The following DISC1 variants were observed in gnomAD, a reference collection of about 807,000 sequenced individuals.
The protein encoded by DISC1 is disrupted in schizophrenia 1 protein.
Under a neutral mutation model 84.5 loss-of-function variants are expected in DISC1, and 57 were observed. That is an observed-to-expected ratio of 0.67 (90% confidence interval 0.55 to 0.84). DISC1 has a LOEUF of 0.84. Among genes scored for constraint, DISC1 ranks in the 40% least tolerant of loss-of-function variants. The pLI, the probability that DISC1 is intolerant of heterozygous loss-of-function variation, is 0.00. For missense variants in DISC1, 1,000 were observed against 1,057.8 expected, an observed-to-expected ratio of 0.95 and a Z score of 0.76; for synonymous variants, 411 against 415.2, an observed-to-expected ratio of 0.99 and a Z score of 0.12.
At chr1:232,016,033 C>T (rs1668464879) in intron 11 of DISC1, among the ~76,000 whole-genome samples, 1 of 152,080 alleles carries the variant, frequency 6.6e-6, no homozygotes, top group Non-Finnish European at 1.5e-5. Flanking sequence ...TACCACCAAC[C>T]ATAGCATCTC....
At chr1:231,905,819 T>A (rs1403477738) in intron 9 of DISC1, among the ~76,000 whole-genome samples, 3 of 152,044 alleles carry the variant, frequency 2.0e-5, no homozygotes, top group Admixed American at 2.0e-4. Context: ...CATTATTGAT[T>A]TCCTGATTTT....
intron 1 of DISC1, among the ~76,000 whole-genome samples, chr1:231,681,303 A>C (rs1179591148): frequency 1.3e-5 from 2 of 152,174 alleles, no homozygotes; most frequent in Non-Finnish European, 2.9e-5. Flanking sequence ...CAGGCATAAC[A>C]AGGAGAGAAA....
At chr1:231,891,637 G>A (rs577737895) in intron 9 of DISC1, among the ~76,000 whole-genome samples, 158 of 152,206 alleles carry the variant, frequency 1.0e-3, no homozygotes, top group Non-Finnish European at 1.9e-3. Flanking sequence ...GGGGTGATTA[G>A]GGCAGGGGAT....
intron 9 of DISC1, among the ~76,000 whole-genome samples, chr1:231,872,444 C>G (rs1396576541): frequency 5.9e-5 from 9 of 152,102 alleles, no homozygotes; most frequent in African/African-American, 2.2e-4. Context: ...CTCTCTAGGT[C>G]CCTAAAAGAC....
chr1:231,781,887 C>T (rs2077456302), intron 6 of DISC1, among the ~76,000 whole-genome samples: 2 of 152,216 alleles, frequency 1.3e-5, no homozygotes. Flanking sequence ...GACCCTTCTC[C>T]AGTGACTGCT....
intron 1 of DISC1, among the ~76,000 whole-genome samples, chr1:231,634,328 T>C (rs955822298): frequency 6.6e-6 from 1 of 152,064 alleles, no homozygotes; most frequent in African/African-American, 2.4e-5. Flanking sequence ...TATTTTACAA[T>C]GGTCAAGTGA....
chr1:231,846,884 G>A (rs892078471), intron 9 of DISC1, among the ~76,000 whole-genome samples: 1 of 152,208 alleles, frequency 6.6e-6, no homozygotes, highest in African/African-American at 2.4e-5. Flanking sequence ...TAGATCACTA[G>A]CTTGAAGGAC....
chr1:231,675,531 T>C lies in DISC1; in HGVS notation c.68-18295T>C, dbSNP rs2063056944. 6.6e-6 allele frequency among the ~76,000 whole-genome samples: 1 copy of C among 152,168 alleles called. No individual in the cohort carries two copies. The highest frequency in any genetic ancestry group is 2.1e-4 in the South Asian group (1 of 4,830). On this transcript the variant is annotated intron_variant, in intron 1 of 12. Transcript: ENST00000439617. This position sits in a 1 kb window ranked among gnomAD's most constrained non-coding sequence, Gnocchi z 4.1. The stretch of plus-strand genomic sequence containing the variant: ...TTTGTACATTTCTCCCTCATACATG[T>C]ACATTTACTCTCAAAATTTCCTGGG...
intron 10 of DISC1, among the ~76,000 whole-genome samples, chr1:231,966,014 C>T (rs375685981): frequency 6.6e-6 from 1 of 152,122 alleles, no homozygotes; most frequent in Non-Finnish European, 1.5e-5. Context: ...CCTTACTTTC[C>T]TTGTATTCTA....
intron 3 of DISC1, among the ~76,000 whole-genome samples, chr1:231,733,800 G>A (rs139972794): frequency 0.018 from 2,674 of 149,330 alleles, 58 homozygotes; most frequent in East Asian, 0.11. Flanking sequence ...GAGTGGTGGT[G>A]GTGCCATGAG....
At chr1:231,691,837 G>A (rs531962005) in intron 1 of DISC1, among the ~76,000 whole-genome samples, 1 of 152,170 alleles carries the variant, frequency 6.6e-6, no homozygotes, top group Non-Finnish European at 1.5e-5. Context: ...ACCCTGTTCC[G>A]ACTGCTGCCC....
intron 6 of DISC1, among the ~76,000 whole-genome samples, chr1:231,785,892 C>T (rs561742235): frequency 3.3e-5 from 5 of 152,250 alleles, no homozygotes; most frequent in Middle Eastern, 3.4e-3. Context: ...GGGAGCAGGC[C>T]GTTTGCACAG....
chr1:231,854,965 C>A, intron 9 of DISC1: 1 of 1,021,938 alleles, frequency 9.8e-7, no homozygotes, highest in South Asian at 1.8e-5. Context: ...ATCCACCTTC[C>A]TCAGCCTCCC....
rs2063043251 is a variant in DISC1 at position 231,675,411 on chromosome 1, G to A, written c.68-18415G>A. On this transcript the variant is annotated intron_variant, in intron 1 of 12. Coordinates refer to ENST00000439617, the MANE Select transcript of DISC1 (RefSeq NM_018662.3). The surrounding 1 kb of genome is among the most constrained non-coding windows in gnomAD (Gnocchi z 4.1). The stretch of plus-strand genomic sequence containing the variant: ...GTTAACACTCAACCTCAGAGACAAA[G>A]ATCTAAGCAGGAAGGAGGATCTATT... 6.6e-6 allele frequency among the ~76,000 whole-genome samples: 1 copy of A among 152,158 alleles called. No individual in the cohort carries two copies. Among genetic ancestry groups the A allele is most frequent in the Admixed American group, 6.5e-5 (1 of 15,278 alleles).
intron 3 of DISC1, among the ~76,000 whole-genome samples, chr1:231,727,670 A>G (rs1163487784): frequency 2.0e-5 from 3 of 152,128 alleles, no homozygotes; most frequent in Non-Finnish European, 2.9e-5. Flanking sequence ...CAACTCTTCT[A>G]CTTGTGTTTT....
At chr1:231,887,888 A>G (rs754927872) in intron 9 of DISC1, among the ~76,000 whole-genome samples, 1 of 152,228 alleles carries the variant, frequency 6.6e-6, no homozygotes, top group Non-Finnish European at 1.5e-5. Flanking sequence ...TATTTTATGA[A>G]TACGTGAATT....
chr1:231,691,307 C>T (rs1179699936), intron 1 of DISC1, among the ~76,000 whole-genome samples: 2 of 151,782 alleles, frequency 1.3e-5, no homozygotes, highest in Non-Finnish European at 2.9e-5. Flanking sequence ...GGCAGGCACC[C>T]GCAATCCCAG....
chr1:232,040,037 G>A lies in DISC1; in HGVS notation c.*3206G>A, dbSNP rs1180742165. 6.6e-6 allele frequency: 1 copy of A among 151,436 alleles called. No individual in the cohort carries two copies. Among genetic ancestry groups the A allele is most frequent in the African/African-American group, 2.4e-5 (1 of 41,158 alleles). 9.4% of individuals were successfully genotyped at this position (151,436 alleles called of 1,614,324 possible). A position where few individuals can be genotyped will look rare whatever the true frequency, so the allele number is the denominator to read the frequency against. On this transcript the variant is annotated 3_prime_UTR_variant, in exon 13 of 13. Coordinates refer to ENST00000439617, the MANE Select transcript of DISC1 (RefSeq NM_018662.3). Reference sequence around the variant, plus strand: ...GGAGTCTCTCTCTGTCACCCAAGTTGGAGTGCAGTGGCCCCGCAATCTCGG... The same window carrying A: ...GGAGTCTCTCTCTGTCACCCAAGTTAGAGTGCAGTGGCCCCGCAATCTCGG...
At chr1:231,985,625 T>C (rs1664317934) in intron 10 of DISC1, among the ~76,000 whole-genome samples, 1 of 152,218 alleles carries the variant, frequency 6.6e-6, no homozygotes, top group African/African-American at 2.4e-5. Flanking sequence ...CCTTTGTTTG[T>C]AACCAGTAGC....
Sources: allele counts gnomAD v4.1 joint callset (sites outside exome capture counted in the v4.1 genomes callset), GRCh38; gene constraint gnomAD v4.1.1; non-coding constraint Gnocchi (gnomAD v3.1); transcripts MANE v1.5; gene names NCBI Gene and HGNC (gene_info 2026-07-23, HGNC 2026-07-21).